Variants in ZSCAN29 observed in about 807,000 individuals in gnomAD.
ZSCAN29 encodes the protein zinc finger and SCAN domain-containing protein 29.
A neutral mutation model predicts 71.9 loss-of-function variants in ZSCAN29; 55 were observed. The ratio of observed to expected loss-of-function variants is 0.76; its 90% confidence interval spans 0.62 to 0.96. The LOEUF (loss-of-function observed/expected upper bound fraction) is 0.96. Ranked by LOEUF, ZSCAN29 falls within the 40% of genes least tolerant of loss-of-function variation. ZSCAN29 has a pLI of 0.00. For synonymous variants in ZSCAN29, 351 were observed against 371.6 expected (o/e 0.94, Z 0.64); for missense variants, 1,042 against 1,042.2 (o/e 1.00, Z 0.00).
intron 5 of ZSCAN29, among the ~76,000 whole-genome samples, 161 bp from the exon 6 acceptor site, chr15:43,362,102 A>C (rs536054939): frequency 2.6e-5 from 4 of 152,350 alleles, no homozygotes; most frequent in African/African-American, 9.6e-5. Flanking sequence ...CCAATGTTTT[A>C]CTTCTCTACT....
rs138128428 is a variant in ZSCAN29 at position 43,366,442 on chromosome 15, T to C, written c.890A>G (p.Gln297Arg). Residue 297 changes from glutamine (Q) to arginine (R), a missense_variant, in exon 4 of 6, where the codon CAG becomes CGG. Gln to Arg is a conservative substitution (Grantham distance 43). Coordinates refer to ENST00000684362, the MANE Select transcript of ZSCAN29 (RefSeq NM_001372080.1). Reference protein sequence around the residue: ...REYGFLRTLEQCRTKFKGLQK... With the variant: ...REYGFLRTLERCRTKFKGLQK... ...GAGACCTTTGAACTTGGTCCGACAC[T>C]GTTCCAGGGTCCGGAGGAAGCCATA... 7.0e-4 allele frequency: 1,128 copies of C among 1,614,080 alleles called. No homozygotes were observed. The highest frequency in any genetic ancestry group is 9.0e-4 in the Non-Finnish European group (1,065 of 1,180,038).
Position 43,366,640 on chromosome 15 carries a change from AC to A in ZSCAN29, c.691del (p.Val231TrpfsTer100). 1 of 1,614,070 alleles carries A rather than the reference AC, an allele frequency of 6.2e-7. No homozygotes were observed. The highest frequency in any genetic ancestry group is 1.1e-5 in the South Asian group (1 of 91,068). ...LPSKKDRRSW[V>X]EQDHWSFEDE... is the part of the protein sequence containing the mutation. ...TTCAAAGCTCCAGTGATCCTGTTCC[AC>A]CCAGCTTCTTCTATCTTTCTTGGAT... On this transcript the variant is annotated frameshift_variant, in exon 4 of 6. Transcript: ENST00000684362. LOFTEE classifies it high-confidence loss of function.
At position 43,365,469 on chromosome 15, in the gene ZSCAN29, A is replaced by G. The variant is rs2044026474; in HGVS notation, c.1222+641T>C. On this transcript the variant is annotated intron_variant, in intron 4 of 5. Transcript: ENST00000684362. ...ATACTATGAATCTCAGAGGAAACTT[A>G]GATGTTTCCCAGCTCAGTGTGGTGG... is the stretch of plus-strand genomic sequence containing the variant. Among the ~76,000 whole-genome samples the G allele has an allele frequency of 1.3e-5, 2 of 152,238 alleles. 1 individual carries two copies. The highest frequency in any genetic ancestry group is 1.3e-4 in the Admixed American group (2 of 15,278).
At chr15:43,363,513 C>T (rs1045667691) in intron 5 of ZSCAN29, among the ~76,000 whole-genome samples, 5 of 152,184 alleles carry the variant, frequency 3.3e-5, no homozygotes, top group Admixed American at 6.5e-5. Context: ...AGCAGACATA[C>T]AGCTGGTATA....
At chr15:43,366,872 A>T in intron 3 of ZSCAN29, 64 bp from the exon 4 acceptor site, 1 of 1,441,470 alleles carries the variant, frequency 6.9e-7, no homozygotes. Flanking sequence ...AAATCTTGAA[A>T]TTCAGTCCTG....
In ZSCAN29 at chr15:43,361,099, G is replaced by C; in HGVS notation, c.2533C>G (p.Leu845Val). The part of the protein sequence containing the change: ...KHGEIHAREK[L>V]LTQSAPK ...TACTTGGGAGCTGACTGTGTCAGAA[G>C]CTTTTCCCGTGCATGGATTTCTCCG... Residue 845 changes from leucine (L) to valine (V), a missense_variant, in exon 6 of 6, where the codon CTT (leucine) becomes GTT (valine). Transcript: ENST00000684362. 6.2e-7 allele frequency: 1 copy of C among 1,604,480 alleles called. No individual in the cohort carries two copies. Among genetic ancestry groups the C allele is most frequent in the Non-Finnish European group, 8.5e-7 (1 of 1,172,754 alleles).
chr15:43,367,145 G>A lies in ZSCAN29; in HGVS notation c.524-337C>T, dbSNP rs115934794. 6.9e-3 allele frequency among the ~76,000 whole-genome samples: 1,052 copies of A among 152,252 alleles called. 11 individuals are homozygous for A. The highest frequency in any genetic ancestry group is 0.024 in the African/African-American group (990 of 41,530). On this transcript the variant is annotated intron_variant, in intron 3 of 5. Transcript: ENST00000684362. ...CACTTGGGGCTACAGAATTAAACTC[G>A]GCGTGATTTCAAGGGGGAAGCGAGA... is the stretch of plus-strand genomic sequence containing the variant.
rs1000882208 is a variant in ZSCAN29 at position 43,360,972 on chromosome 15, C to G, written c.*101G>C. 5 of 1,444,796 alleles carry G rather than the reference C, an allele frequency of 3.5e-6. No individual in the cohort carries two copies. The African/African-American group carries it at 5.7e-5, about 16-fold the overall frequency. The allele number at this position is 1,444,796 out of a possible 1,614,324, so 89.5% of individuals were successfully genotyped here. A position where few individuals can be genotyped will look rare whatever the true frequency, so the allele number is the denominator to read the frequency against. On this transcript the variant is annotated 3_prime_UTR_variant, in exon 6 of 6. Coordinates refer to ENST00000684362, the MANE Select transcript of ZSCAN29 (RefSeq NM_001372080.1). The stretch of plus-strand genomic sequence containing the variant: ...TGGCATAAATCCTAAAGTGAATTTC[C>G]TAAGCTAACTGGACACAGAATAGTA...
At chr15:43,365,043 G>A (rs958431995) in intron 4 of ZSCAN29, among the ~76,000 whole-genome samples, 6 of 151,672 alleles carry the variant, frequency 4.0e-5, no homozygotes, top group East Asian at 3.9e-4. Flanking sequence ...AAAGAGAAAC[G>A]AAAAAGCAGA....
rs376539226 is a variant in ZSCAN29 at position 43,363,588 on chromosome 15, G to A, written c.1690+327C>T. 2.0e-3 allele frequency among the ~76,000 whole-genome samples: 305 copies of A among 152,294 alleles called. 2 individuals carry two copies. Among genetic ancestry groups the A allele is most frequent in the African/African-American group, 6.8e-3 (281 of 41,558 alleles). On this transcript the variant is annotated intron_variant, in intron 5 of 5. Coordinates refer to ENST00000684362, the MANE Select transcript of ZSCAN29 (RefSeq NM_001372080.1). ...CTTTTAAAATCAACTTCATCCTACC[G>A]TGGGTACGTGACATGCTACTTGAGA...
At chr15:43,363,682 G>C in intron 5 of ZSCAN29, 1 of 444,048 alleles carries the variant, frequency 2.3e-6, no homozygotes, top group Non-Finnish European at 4.0e-6. Context: ...ATAAATCACA[G>C]CAAATTTACA....
intron 3 of ZSCAN29, 152 bp from the exon 4 acceptor site, chr15:43,366,960 G>T: frequency 4.2e-6 from 3 of 712,778 alleles, no homozygotes; most frequent in Non-Finnish European, 6.8e-6. Flanking sequence ...GAAAAAGGTG[G>T]GGAAAATACA....
chr15:43,364,291 G>A lies in ZSCAN29; in HGVS notation c.1314C>T (p.Asn438=). The A allele has an allele frequency of 6.2e-7, 1 of 1,614,204 alleles. No individual in the cohort carries two copies. The highest frequency in any genetic ancestry group is 8.5e-7 in the Non-Finnish European group (1 of 1,180,050). Residue 438 remains asparagine (N), a synonymous_variant, in exon 5 of 6, where the codon AAC becomes AAT. Transcript: ENST00000684362. ...FYEALRNCHR[N]SQLYGAVAER... ...CAGCCACTGCTCCATACAGCTGGCTGTTGCGGTGACAGTTCCGGAGGGCTT... is the reference window on the plus strand; with the variant it reads ...CAGCCACTGCTCCATACAGCTGGCTATTGCGGTGACAGTTCCGGAGGGCTT...
Position 43,361,919 on chromosome 15 carries a change from A to C in ZSCAN29, c.1713T>G (p.Asn571Lys), listed in dbSNP as rs769369588. The C allele has an allele frequency of 2.5e-6, 4 of 1,610,384 alleles. No homozygotes were observed. Among genetic ancestry groups the C allele is most frequent in the Non-Finnish European group, 3.4e-6 (4 of 1,177,832 alleles). ...AAATATCCCGTTTTGAATTATCTTC[A>C]TTCTCAAATCCAGCTTCAAAACCTG... is the stretch of plus-strand genomic sequence containing the variant. ...SPRGFEAGFENEDNSKRDISE... is the reference protein window; with the variant it reads ...SPRGFEAGFEKEDNSKRDISE... Residue 571 changes from asparagine (N) to lysine (K), a missense_variant, in exon 6 of 6, where the codon AAT (asparagine) becomes AAG (lysine). Coordinates refer to ENST00000684362, the MANE Select transcript of ZSCAN29 (RefSeq NM_001372080.1).
In ZSCAN29 at chr15:43,369,593, C is replaced by T; in HGVS notation, c.318+3G>A. ...TGAATTTGAATTCCCCCTCCCTTCT[C>T]ACCGAAGATCTAGGTCTTCCAGGCT... is the stretch of plus-strand genomic sequence containing the variant. On this transcript the variant is annotated splice_donor_region_variant and intron_variant, in intron 2 of 5. Coordinates refer to ENST00000684362, the MANE Select transcript of ZSCAN29 (RefSeq NM_001372080.1). The T allele has an allele frequency of 6.2e-7, 1 of 1,609,110 alleles. No individual in the cohort carries two copies. Among genetic ancestry groups the T allele is most frequent in the Non-Finnish European group, 8.5e-7 (1 of 1,176,598 alleles).
At position 43,360,819 on chromosome 15, in the gene ZSCAN29, C is replaced by T. The variant is rs1000237121; in HGVS notation, c.*254G>A. 4.3e-6 allele frequency: 2 copies of T among 468,716 alleles called. No homozygotes were observed. The highest frequency in any genetic ancestry group is 7.6e-6 in the Non-Finnish European group (2 of 261,908). 29.0% of individuals were successfully genotyped at this position (468,716 alleles called of 1,614,324 possible). ...GCTTATATTAAGGGAACACCATAGG[C>T]ACTGAGAGGGAAAAGATGTTATCCA... On this transcript the variant is annotated 3_prime_UTR_variant, in exon 6 of 6. Transcript: ENST00000684362.
chr15:43,364,309 G>A lies in ZSCAN29; in HGVS notation c.1296C>T (p.Leu432=), dbSNP rs1323656096. ...GCTGGCTGTTGCGGTGACAGTTCCG[G>A]AGGGCTTCATAAAACTGGGTCTCAC... is the stretch of plus-strand genomic sequence containing the variant. The part of the protein sequence containing the change: ...ILSETQFYEA[L]RNCHRNSQLY... Residue 432 remains leucine, a synonymous_variant, in exon 5 of 6, where the codon CTC becomes CTT. Transcript: ENST00000684362. 1 of 1,614,146 alleles carries A rather than the reference G, an allele frequency of 6.2e-7. No individual in the cohort carries two copies. The highest frequency in any genetic ancestry group is 8.5e-7 in the Non-Finnish European group (1 of 1,180,032).
chr15:43,366,866 C>G, intron 3 of ZSCAN29, 58 bp from the exon 4 acceptor site: 1 of 1,480,950 alleles, frequency 6.8e-7, no homozygotes, highest in Non-Finnish European at 9.1e-7. Context: ...TCACAAAAAT[C>G]TTGAAATTCA....
At chr15:43,366,013 G>T in intron 4 of ZSCAN29, 97 bp downstream of exon 4, 2 of 1,244,970 alleles carry the variant, frequency 1.6e-6, no homozygotes, top group Admixed American at 2.4e-5. Flanking sequence ...TCCCTAAGTG[G>T]CAAAGCTGGC....
Sources: gnomAD v4.1 joint callset for allele counts (sites outside exome capture counted in the v4.1 genomes callset) on GRCh38, gnomAD v4.1.1 for gene constraint, MANE v1.5 for transcripts, NCBI Gene and HGNC (gene_info 2026-07-23, HGNC 2026-07-21) for gene names.